Variants in SLC2A9 observed in about 807,000 individuals in gnomAD.
SLC2A9 encodes the protein solute carrier family 2, facilitated glucose transporter member 9.
A neutral mutation model predicts 50.6 loss-of-function variants in SLC2A9; 39 were observed. That is an observed-to-expected ratio of 0.77 (90% confidence interval 0.60 to 1.01). SLC2A9 has a LOEUF of 1.01. Ranked by LOEUF, SLC2A9 falls within the 50% of genes least tolerant of loss-of-function variation. SLC2A9 has a pLI of 0.00. For synonymous variants in SLC2A9, 324 were observed against 276.9 expected (o/e 1.17, Z -1.69); for missense variants, 686 against 677.6 (o/e 1.01, Z -0.14).
chr4:9,827,407 A>G (rs1725323816), intron 11 of SLC2A9, among the ~76,000 whole-genome samples: 1 of 152,268 alleles, frequency 6.6e-6, no homozygotes, highest in South Asian at 2.1e-4. Context: ...CCCAGCTGTC[A>G]GGATTGTGAC....
At chr4:9,808,016 C>G (rs933630173) in intron 3 of SLC2A9, among the ~76,000 whole-genome samples, 3 of 152,212 alleles carry the variant, frequency 2.0e-5, no homozygotes, top group African/African-American at 7.2e-5. Flanking sequence ...GGCTCTAAGT[C>G]ATGATGGAGC....
At chr4:9,931,962 CTATATATA>C (rs61538689) in intron 6 of SLC2A9, among the ~76,000 whole-genome samples, 256 of 14,550 alleles carry the variant, frequency 0.018, 18 homozygotes, top group African/African-American at 0.038. Flanking sequence ...CTCTCTCTCT[CTATATATA>C]TATATATATA....
chr4:10,032,380 T>C (rs1763965119), intron 1 of SLC2A9, among the ~76,000 whole-genome samples: 1 of 151,832 alleles, frequency 6.6e-6, no homozygotes. Context: ...ACTGGTGTGG[T>C]GGGGTTGTCA....
chr4:9,848,997 T>C (rs1980219), intron 10 of SLC2A9, among the ~76,000 whole-genome samples: 71,741 of 152,106 alleles, frequency 0.47, 19,307 homozygotes, highest in African/African-American at 0.74. Context: ...CCACCGTGCC[T>C]GGCCAGAAAT....
chr4:9,800,058 G>A (rs1214921601), intron 3 of SLC2A9, among the ~76,000 whole-genome samples: 2 of 152,156 alleles, frequency 1.3e-5, no homozygotes, highest in Non-Finnish European at 2.9e-5. Flanking sequence ...AAAAGAATTG[G>A]CTAAATTGTA....
intron 1 of SLC2A9, among the ~76,000 whole-genome samples, chr4:9,774,301 A>T (rs1717232432): frequency 6.6e-6 from 1 of 152,204 alleles, no homozygotes; most frequent in African/African-American, 2.4e-5. Context: ...CCAAAAAATG[A>T]TGAGAAACTC....
chr4:9,936,615 G>A (rs924222800), intron 6 of SLC2A9, among the ~76,000 whole-genome samples: 2 of 152,212 alleles, frequency 1.3e-5, no homozygotes, highest in African/African-American at 4.8e-5. Context: ...GCAGGTGTCT[G>A]CTGAATGTCT....
chr4:9,781,337 C>T (rs536835377), intron 3 of SLC2A9, among the ~76,000 whole-genome samples: 64 of 152,364 alleles, frequency 4.2e-4, no homozygotes, highest in African/African-American at 1.2e-3. Flanking sequence ...TTTCCCCCTC[C>T]GGAAGCCCTC....
chr4:9,909,812 T>C (rs971006486), intron 7 of SLC2A9, among the ~76,000 whole-genome samples: 1 of 152,226 alleles, frequency 6.6e-6, no homozygotes, highest in African/African-American at 2.4e-5. Flanking sequence ...ACCCCCTGCA[T>C]TAAAGGACCT....
intron 3 of SLC2A9, among the ~76,000 whole-genome samples, chr4:9,819,120 A>AGG: frequency 6.7e-6 from 1 of 149,792 alleles, no homozygotes; most frequent in African/African-American, 2.5e-5. Context: ...CTGTCTCAAA[A>AGG]AAAAAAAAAA....
chr4:9,931,924 C>CTCTCTCTCTCTCTCTCAA lies in SLC2A9; in HGVS notation c.814+9988_814+9989insTTGAGAGAGAGAGAGAGA, dbSNP rs1560328346. Among the ~76,000 whole-genome samples, 6 of 25,474 alleles carry CTCTCTCTCTCTCTCTCAA rather than the reference C, an allele frequency of 2.4e-4. 1 individual carries two copies. The allele number at this position is 25,474 out of a possible 152,430, so 16.7% of individuals were successfully genotyped here. On this transcript the variant is annotated intron_variant, in intron 6 of 11. Transcript: ENST00000264784. ...CTGAAATGAGAATGACTCTCTCTCT[C>CTCTCTCTCTCTCTCTCAA]TCTCTCTCTCTCTCTCTCTCTCTCT...
downstream of SLC2A9, among the ~76,000 whole-genome samples, chr4:9,821,964 G>A (rs1276846352): frequency 2.0e-5 from 3 of 152,168 alleles, no homozygotes; most frequent in African/African-American, 7.2e-5. Flanking sequence ...TTTTGATAGT[G>A]TCTTTTGAAA....
At chr4:10,036,035 T>C (rs1764095695) in intron 1 of SLC2A9, 1 of 204,430 alleles carries the variant, frequency 4.9e-6, no homozygotes, top group Non-Finnish European at 9.4e-6. Flanking sequence ...AGCTTGCAGA[T>C]GGCCTGTCAA....
chr4:9,976,633 A>G (rs1434812654), intron 5 of SLC2A9, among the ~76,000 whole-genome samples: 9 of 152,210 alleles, frequency 5.9e-5, no homozygotes, highest in Non-Finnish European at 1.3e-4. Flanking sequence ...GACTGTCTGG[A>G]AACTCCCATC....
intron 10 of SLC2A9, among the ~76,000 whole-genome samples, chr4:9,836,503 G>A (rs1463904538): frequency 6.6e-6 from 1 of 152,118 alleles, no homozygotes; most frequent in Non-Finnish European, 1.5e-5. Context: ...GCCGAGTGGA[G>A]GGAGGGGCCA....
chr4:9,833,918 T>C (rs961540516), intron 11 of SLC2A9, among the ~76,000 whole-genome samples: 1 of 152,186 alleles, frequency 6.6e-6, no homozygotes, highest in African/African-American at 2.4e-5. Flanking sequence ...CTTCTGCAAA[T>C]GCTTCTGGGC....
intron 6 of SLC2A9, among the ~76,000 whole-genome samples, chr4:9,931,908 G>T: frequency 1.1e-5 from 1 of 87,640 alleles, no homozygotes; most frequent in Admixed American, 1.3e-4. Flanking sequence ...CCTGAAATGA[G>T]AATGACTCTC....
At chr4:9,791,020 T>C (rs766550400) in intron 3 of SLC2A9, among the ~76,000 whole-genome samples, 5 of 152,230 alleles carry the variant, frequency 3.3e-5, no homozygotes, top group African/African-American at 4.8e-5. Context: ...TTGTGGTTGA[T>C]GGTCTAAATA....
intron 1 of SLC2A9, 52 bp from the exon 2 acceptor site, chr4:10,019,125 C>A (rs1292005785): frequency 1.4e-6 from 2 of 1,462,290 alleles, no homozygotes; most frequent in Non-Finnish European, 1.9e-6. Context: ...GCAGCCAGGG[C>A]CGAGGGAAGA....
Sources: gnomAD v4.1 joint callset for allele counts (sites outside exome capture counted in the v4.1 genomes callset) on GRCh38, gnomAD v4.1.1 for gene constraint, MANE v1.5 for transcripts, NCBI Gene and HGNC (gene_info 2026-07-23, HGNC 2026-07-21) for gene names.